Variants in CHP1 observed in about 807,000 individuals in gnomAD.
CHP1 encodes the protein calcineurin B homologous protein 1.
In CHP1, 11 loss-of-function variants were observed where a neutral mutation model predicts 27.4. The observed-to-expected ratio is 0.40, with a 90% CI of 0.25 to 0.67. CHP1 has a LOEUF of 0.67. Ranked by LOEUF, CHP1 falls within the 30% of genes least tolerant of loss-of-function variation. The pLI is 0.38. For missense variants in CHP1, 169 were observed against 251.3 expected, an observed-to-expected ratio of 0.67 and a Z score of 2.22; for synonymous variants, 89 against 87.4, an observed-to-expected ratio of 1.02 and a Z score of -0.10.
At chr15:41,276,688 A>C (rs1187148843) in intron 5 of CHP1, among the ~76,000 whole-genome samples, 1 of 152,184 alleles carries the variant, frequency 6.6e-6, no homozygotes, top group Non-Finnish European at 1.5e-5. Flanking sequence ...TAACTCTTCA[A>C]GGATTTTTAT....
At chr15:41,267,534 T>C (rs1271372558) in intron 4 of CHP1, among the ~76,000 whole-genome samples, 1 of 151,724 alleles carries the variant, frequency 6.6e-6, no homozygotes, top group African/African-American at 2.4e-5. Context: ...TGGTGGCACA[T>C]ACCTGTAGTC....
chr15:41,231,566 C>T (rs549886442), intron 1 of CHP1, 117 bp downstream of exon 1: 50 of 963,262 alleles, frequency 5.2e-5, no homozygotes, highest in East Asian at 1.8e-4. Context: ...TCCTGGGCAG[C>T]CTCCAGGTTT....
rs941156393 is a variant in CHP1 at position 41,281,597 on chromosome 15, G to T, written c.*2208G>T. The T allele has an allele frequency of 3.9e-5, 6 of 152,618 alleles. No individual in the cohort carries two copies. Among genetic ancestry groups the T allele is most frequent in the African/African-American group, 1.4e-4 (6 of 41,450 alleles). 9.5% of individuals were successfully genotyped at this position (152,618 alleles called of 1,614,324 possible). On this transcript the variant is annotated 3_prime_UTR_variant, in exon 7 of 7. Transcript: ENST00000334660. ...GAAAAGGGTGGAGAACAGGGGAGTA[G>T]CCAGGCTGGATGGCTCAAATATAAA...
At chr15:41,277,582 G>A (rs150788033) in intron 5 of CHP1, among the ~76,000 whole-genome samples, 74 of 152,280 alleles carry the variant, frequency 4.9e-4, no homozygotes, top group African/African-American at 1.7e-3. Context: ...GAGGTCAGGA[G>A]TTCGAGACCA....
chr15:41,269,517 G>A (rs984055586), intron 4 of CHP1, among the ~76,000 whole-genome samples: 3 of 152,030 alleles, frequency 2.0e-5, no homozygotes, highest in Non-Finnish European at 4.4e-5. Flanking sequence ...TTGTTCAAAT[G>A]TTACCTCTCC....
At position 41,231,276 on chromosome 15, in the gene CHP1, C is replaced by A; in HGVS notation, c.-107C>A. The A allele has an allele frequency of 8.6e-7, 1 of 1,158,042 alleles. No homozygotes were observed. Among genetic ancestry groups the A allele is most frequent in the Non-Finnish European group, 1.3e-6 (1 of 796,642 alleles). 71.7% of individuals were successfully genotyped at this position (1,158,042 alleles called of 1,614,324 possible). A position where few individuals can be genotyped will look rare whatever the true frequency, so the allele number is the denominator to read the frequency against. ...TTCCCTCCCGGGTCCGCAGTGGAAA[C>A]ACTGCCCTCTCCCTTCTTGACCCCT... On this transcript the variant is annotated 5_prime_UTR_variant, in exon 1 of 7. Transcript: ENST00000334660.
chr15:41,274,134 T>G (rs1045293728), intron 5 of CHP1, among the ~76,000 whole-genome samples: 2 of 151,930 alleles, frequency 1.3e-5, no homozygotes, highest in Non-Finnish European at 2.9e-5. Flanking sequence ...CTAATTTTTG[T>G]ATTTTTAGTA....
intron 1 of CHP1, 25 bp from the exon 2 acceptor site, chr15:41,243,642 C>T (rs1237674011): frequency 2.5e-6 from 4 of 1,609,938 alleles, no homozygotes; most frequent in Non-Finnish European, 3.4e-6. Flanking sequence ...TTCCCCCGAG[C>T]TGGGACTAAT....
chr15:41,236,246 T>C (rs543767510), intron 1 of CHP1, among the ~76,000 whole-genome samples: 1 of 152,014 alleles, frequency 6.6e-6, no homozygotes, highest in African/African-American at 2.4e-5. Flanking sequence ...GCCTGGCAAC[T>C]ACCTGATTTT....
Position 41,231,402 on chromosome 15 carries a change from C to G in CHP1, c.20C>G (p.Thr7Arg), listed in dbSNP as rs2047240083. MGSRAS[T>R]LLRDEELEEI... ...ACGGCGATGGGTTCTCGGGCCTCCA[C>G]GTTACTGCGGGACGAAGAGCTCGAG... Residue 7 changes from threonine to arginine, a missense_variant, in exon 1 of 7, where the codon ACG (threonine) becomes AGG (arginine). Coordinates refer to ENST00000334660, the MANE Select transcript of CHP1 (RefSeq NM_007236.5). 6.2e-7 allele frequency: 1 copy of G among 1,603,938 alleles called. No homozygotes were observed. Among genetic ancestry groups the G allele is most frequent in the Non-Finnish European group, 8.5e-7 (1 of 1,176,432 alleles).
At chr15:41,277,216 C>T (rs11630218) in intron 5 of CHP1, among the ~76,000 whole-genome samples, 18 of 152,312 alleles carry the variant, frequency 1.2e-4, no homozygotes, top group Admixed American at 2.0e-4. Flanking sequence ...CTACATGAAC[C>T]TAGATGGTAT....
intron 5 of CHP1, among the ~76,000 whole-genome samples, chr15:41,276,831 C>G (rs764705665): frequency 6.6e-5 from 10 of 152,178 alleles, no homozygotes; most frequent in Non-Finnish European, 1.0e-4. Context: ...GCTCACGCAA[C>G]AAGAATGTTT....
At chr15:41,264,185 T>C (rs773324284) in intron 4 of CHP1, 2 of 1,286,746 alleles carry the variant, frequency 1.6e-6, no homozygotes, top group South Asian at 2.5e-5. Context: ...GAGATATATA[T>C]AGAGAGAGAT....
chr15:41,236,481 T>C lies in CHP1; in HGVS notation c.67+5032T>C, dbSNP rs186223265. Among the ~76,000 whole-genome samples, 864 of 151,754 alleles carry C rather than the reference T, an allele frequency of 5.7e-3. 6 individuals carry two copies. Among genetic ancestry groups the C allele is most frequent in the African/African-American group, 0.02 (841 of 41,410 alleles). Reference sequence around the variant, plus strand: ...TTCACCATGTTGCCCAGGCTGGTCTTGAACTCCTGAGTTCAGGTGGTCCGC... The same window carrying C: ...TTCACCATGTTGCCCAGGCTGGTCTCGAACTCCTGAGTTCAGGTGGTCCGC... On this transcript the variant is annotated intron_variant, in intron 1 of 6. Coordinates refer to ENST00000334660, the MANE Select transcript of CHP1 (RefSeq NM_007236.5).
intron 2 of CHP1, among the ~76,000 whole-genome samples, chr15:41,247,925 C>T (rs1255325666): frequency 1.3e-5 from 2 of 151,806 alleles, no homozygotes; most frequent in Admixed American, 1.3e-4. Flanking sequence ...GCCGAGATCA[C>T]ACCACCATAC....
At chr15:41,243,885 C>T (rs1295923570) in intron 2 of CHP1, 146 bp downstream of exon 2, 2 of 668,926 alleles carry the variant, frequency 3.0e-6, no homozygotes, top group African/African-American at 3.6e-5. Context: ...CTTTGAGCAT[C>T]ATTGATCCAC....
At chr15:41,252,198 A>C (rs192847523) in intron 2 of CHP1, among the ~76,000 whole-genome samples, 7 of 151,110 alleles carry the variant, frequency 4.6e-5, no homozygotes, top group African/African-American at 9.7e-5. Context: ...TTTTTGAGAC[A>C]GAGTCTCGCT....
intron 5 of CHP1, among the ~76,000 whole-genome samples, chr15:41,272,006 C>T (rs555213047): frequency 3.9e-4 from 59 of 152,190 alleles, no homozygotes; most frequent in Non-Finnish European, 7.8e-4. Context: ...GGATTACAGG[C>T]GTGAGCCACC....
rs757310353 is a variant in CHP1 at position 41,270,590 on chromosome 15, A to G, written c.383A>G (p.Glu128Gly). 2.5e-6 allele frequency: 4 copies of G among 1,614,034 alleles called. No individual in the cohort carries two copies. Residue 128 changes from glutamate (E) to glycine (G), a missense_variant, in exon 5 of 7, where the codon GAA becomes GGA. Coordinates refer to ENST00000334660, the MANE Select transcript of CHP1 (RefSeq NM_007236.5). ...AFRLYDLDKD[E>G]KISRDELLQV... ...CGACTATATGATTTGGATAAAGATG[A>G]AAAGATCTCCCGTGATGAGCTGTTA...
Sources: gnomAD v4.1 joint callset for allele counts (sites outside exome capture counted in the v4.1 genomes callset) on GRCh38, gnomAD v4.1.1 for gene constraint, MANE v1.5 for transcripts, NCBI Gene and HGNC (gene_info 2026-07-23, HGNC 2026-07-21) for gene names.